C1QTNF12: variants seen among roughly 807,000 people sequenced by gnomAD.
C1QTNF12 encodes the protein C1q and TNF related 12.
A neutral mutation model predicts 34.3 loss-of-function variants in C1QTNF12; 39 were observed. That is an observed-to-expected ratio of 1.14 (90% CI 0.88 to 1.49). C1QTNF12 has a LOEUF of 1.49. Ranked by LOEUF, C1QTNF12 falls within the 40% of genes most tolerant of loss-of-function variation. C1QTNF12 has a pLI of 0.00. For missense variants in C1QTNF12, 497 were observed against 424.7 expected (o/e 1.17, Z -1.50); for synonymous variants, 220 against 196.9 (o/e 1.12, Z -0.98).
Position 1,242,928 on chromosome 1 carries a change from A to G in C1QTNF12, c.732-15T>C, listed in dbSNP as rs1638777245. 4 of 1,610,904 alleles carry G rather than the reference A, an allele frequency of 2.5e-6. No individual in the cohort carries two copies. The African/African-American group carries it at 4.0e-5, about 16-fold the overall frequency. On this transcript the variant is annotated splice_polypyrimidine_tract_variant and intron_variant, in intron 6 of 7. Transcript: ENST00000330388. ...CCTCCAGGCACCTGAACACAGCCCC[A>G]CAGGGCAAGAGGGAGGCGTTGCAGG...
Position 1,244,119 on chromosome 1 carries a change from G to A in C1QTNF12, c.380-14C>T. ...GCTCCGTGGCCTCTGTGGGGAGGAGGGCACAGGCGGCCAGCAGGGTCAGCA... is the reference window on the plus strand; with the variant it reads ...GCTCCGTGGCCTCTGTGGGGAGGAGAGCACAGGCGGCCAGCAGGGTCAGCA... On this transcript the variant is annotated splice_polypyrimidine_tract_variant and intron_variant, in intron 3 of 7. Transcript: ENST00000330388. The A allele has an allele frequency of 6.4e-7, 1 of 1,566,950 alleles. No homozygotes were observed.
rs371407276 is a variant in C1QTNF12, at chr1:1,244,052, C to T, written c.433G>A (p.Ala145Thr). ...GLLDPLLPQG[A>T]GLRLVGEAFH... ...GCCTCGCCCACCAGCCGCAGGCCCGCCCCCTGGGGCAGCAGCGGGTCCAGA... is the reference window on the plus strand; with the variant it reads ...GCCTCGCCCACCAGCCGCAGGCCCGTCCCCTGGGGCAGCAGCGGGTCCAGA... The change falls in exon 4 of 8, where the codon GCG becomes ACG. Residue 145 changes from alanine (A) to threonine (T), a missense_variant. Transcript: ENST00000330388. 23 of 1,598,700 alleles carry T rather than the reference C, an allele frequency of 1.4e-5. No homozygotes were observed. The highest frequency in any genetic ancestry group is 2.0e-5 in the Non-Finnish European group (23 of 1,173,442).
intron 6 of C1QTNF12, 46 bp from the exon 7 acceptor site, chr1:1,242,959 G>T: frequency 6.3e-7 from 1 of 1,594,848 alleles, no homozygotes; most frequent in Non-Finnish European, 8.5e-7. Context: ...GCAGGTCCAG[G>T]GGGCCAAGAC....
At chr1:1,244,679 T>C in intron 1 of C1QTNF12, 182 bp from the exon 2 acceptor site, 1 of 594,708 alleles carries the variant, frequency 1.7e-6, no homozygotes, top group Non-Finnish European at 3.0e-6. Context: ...AGGGCAGGCA[T>C]GCGGGGCTTC....
rs1396666271 is a variant in C1QTNF12, at chr1:1,243,980, G to A, written c.505C>T (p.Leu169=). Residue 169 remains leucine, a synonymous_variant, in exon 4 of 8, where the codon CTG becomes TTG. Coordinates refer to ENST00000330388, the MANE Select transcript of C1QTNF12 (RefSeq NM_001014980.3). Reference sequence around the variant, plus strand: ...GCCTGGAAACCATGCAGCTCCACCAGCGTCCGCTTGTCCACCCGGCGGGGA... The same window carrying A: ...GCCTGGAAACCATGCAGCTCCACCAACGTCCGCTTGTCCACCCGGCGGGGA... ...QGPRRVDKRT[L]VELHGFQAPA... is the part of the protein sequence containing the mutation. 6.2e-7 allele frequency: 1 copy of A among 1,609,610 alleles called. No homozygotes were observed. Among genetic ancestry groups the A allele is most frequent in the South Asian group, 1.1e-5 (1 of 90,660 alleles).
chr1:1,246,996 C>G (rs929462005), upstream of C1QTNF12, among the ~76,000 whole-genome samples: 2 of 152,042 alleles, frequency 1.3e-5, no homozygotes, highest in South Asian at 2.1e-4. This position sits in a 1 kb window ranked among gnomAD's most constrained non-coding sequence, Gnocchi z 4.5. Flanking sequence ...GGCTCACACT[C>G]GGACGATCAG....
rs774120444 is a variant in C1QTNF12, at chr1:1,242,544, G to A, written c.*4C>T. 1.6e-5 allele frequency: 25 copies of A among 1,555,954 alleles called. No homozygotes were observed. The highest frequency in any genetic ancestry group is 3.5e-5 in the South Asian group (3 of 84,806). On this transcript the variant is annotated 3_prime_UTR_variant, in exon 8 of 8. Transcript: ENST00000330388. ...CAGCTCCTCGCCAGCCCCCCTGGGC[G>A]CCCTCACGTGCCCAGGAGCAGCCCG...
At chr1:1,243,835 G>GCCCCGCC in intron 4 of C1QTNF12, 119 bp downstream of exon 4, 5 of 1,279,702 alleles carry the variant, frequency 3.9e-6, no homozygotes, top group South Asian at 1.5e-5. Flanking sequence ...CGCCCTCCGA[G>GCCCCGCC]CCCCGCCCCC....
At chr1:1,243,383 G>GC in intron 5 of C1QTNF12, 61 bp downstream of exon 5, 1 of 1,451,620 alleles carries the variant, frequency 6.9e-7, no homozygotes, top group Non-Finnish European at 9.4e-7. Context: ...GATGCCAGGC[G>GC]CCCCCAGAAA....
At chr1:1,243,829 CTCCGA>C in intron 4 of C1QTNF12, 120 bp downstream of exon 4, 1 of 1,307,950 alleles carries the variant, frequency 7.6e-7, no homozygotes, top group Non-Finnish European at 1.0e-6. Context: ...GCCCCTCGCC[CTCCGA>C]GCCCCGCCCC....
chr1:1,242,534 C>G lies in C1QTNF12; in HGVS notation c.*14G>C. The G allele has an allele frequency of 6.5e-7, 1 of 1,548,556 alleles. No homozygotes were observed. Among genetic ancestry groups the G allele is most frequent in the Non-Finnish European group, 8.7e-7 (1 of 1,145,516 alleles). On this transcript the variant is annotated 3_prime_UTR_variant, in exon 8 of 8. Transcript: ENST00000330388. ...GATCCGGCGGCAGCTCCTCGCCAGCCCCCCTGGGCGCCCTCACGTGCCCAG... is the reference window on the plus strand; with the variant it reads ...GATCCGGCGGCAGCTCCTCGCCAGCGCCCCTGGGCGCCCTCACGTGCCCAG...
In C1QTNF12 at chr1:1,244,041, C is replaced by T. The variant is rs757358621; in HGVS notation, c.444G>A (p.Arg148=). The T allele has an allele frequency of 2.5e-6, 4 of 1,598,254 alleles. No homozygotes were observed. In the Admixed American group the frequency reaches 6.9e-5, roughly 28 times the overall value. ...DPLLPQGAGL[R]LVGEAFHCRL... ...GGCAGTGAAAGGCCTCGCCCACCAG[C>T]CGCAGGCCCGCCCCCTGGGGCAGCA... Residue 148 remains arginine (R), a synonymous_variant, in exon 4 of 8, where the codon CGG becomes CGA. Coordinates refer to ENST00000330388, the MANE Select transcript of C1QTNF12 (RefSeq NM_001014980.3).
intron 4 of C1QTNF12, 25 bp downstream of exon 4, chr1:1,243,929 G>A (rs113164957): frequency 0.11 from 163,559 of 1,547,184 alleles, 8,851 homozygotes; most frequent in East Asian, 0.19. Context: ...CCAACACCCC[G>A]CTCTAAGCTC....
In C1QTNF12 at chr1:1,244,425, C is replaced by T. The variant is rs1553152697; in HGVS notation, c.250G>A (p.Asp84Asn). 2.5e-6 allele frequency: 4 copies of T among 1,611,866 alleles called. No individual in the cohort carries two copies. Among genetic ancestry groups the T allele is most frequent in the Non-Finnish European group, 3.4e-6 (4 of 1,179,520 alleles). ...CCGCACCGCTTCCTTAAGGCGCCGT[C>T]GTCCGGCCGCCGGACAAAGTTCAGC... ...TWLNFVRRPD[D>N]GALRKRCGSR... is the part of the protein sequence containing the mutation. Residue 84 changes from aspartate to asparagine, a missense_variant, in exon 2 of 8, where the codon GAC (aspartate) becomes AAC (asparagine). By Grantham distance (23) the Asp-to-Asn change is conservative (BLOSUM62 1). Transcript: ENST00000330388.
At position 1,246,663 on chromosome 1, in the gene C1QTNF12, C is replaced by T; in HGVS notation, c.28G>A (p.Val10Met). MRRWAWAAV[V>M]VLLGPQLVLL... ...ACGAGCTGCGGCCCGAGGAGGACCA[C>T]GACCGCGGCCCAGGCCCAGCGCCGC... Residue 10 changes from valine (V) to methionine (M), a missense_variant, in exon 1 of 8, where the codon GTG (valine) becomes ATG (methionine). Transcript: ENST00000330388. The surrounding 1 kb of genome is among the most constrained non-coding windows in gnomAD (Gnocchi z 4.5). 3.3e-6 allele frequency: 4 copies of T among 1,229,572 alleles called. No individual in the cohort carries two copies. The highest frequency in any genetic ancestry group is 4.1e-6 in the Non-Finnish European group (4 of 986,214). The allele number at this position is 1,229,572 out of a possible 1,614,324, so 76.2% of individuals were successfully genotyped here.
rs1458581731 is a variant in C1QTNF12 at position 1,246,484 on chromosome 1, C to A, written c.177+30G>T. ...GAGCCCCAGCTCCGAAGCTGCCCCG[C>A]GAGGGCCCACGTGCGTCCCGGCCGC... is the stretch of plus-strand genomic sequence containing the variant. On this transcript the variant is annotated intron_variant, in intron 1 of 7. Transcript: ENST00000330388. The surrounding 1 kb of genome is among the most constrained non-coding windows in gnomAD (Gnocchi z 4.5). The A allele has an allele frequency of 8.1e-7, 1 of 1,229,780 alleles. No individual in the cohort carries two copies. Among genetic ancestry groups the A allele is most frequent in the East Asian group, 3.2e-5 (1 of 31,606 alleles). 76.2% of individuals were successfully genotyped at this position (1,229,780 alleles called of 1,614,324 possible). A position where few individuals can be genotyped will look rare whatever the true frequency, so the allele number is the denominator to read the frequency against.
In C1QTNF12 at chr1:1,244,088, A is replaced by G. The variant is rs751758463; in HGVS notation, c.397T>C (p.Phe133Leu). 6.3e-7 allele frequency: 1 copy of G among 1,588,166 alleles called. No homozygotes were observed. Among genetic ancestry groups the G allele is most frequent in the South Asian group, 1.1e-5 (1 of 87,646 alleles). The part of the protein sequence containing the change: ...ELLKEATERR[F>L]SGLLDPLLPQ... Reference sequence around the variant, plus strand: ...AGCAGCGGGTCCAGAAGCCCTGAGAACCGGCGCTCCGTGGCCTCTGTGGGG... The same window carrying G: ...AGCAGCGGGTCCAGAAGCCCTGAGAGCCGGCGCTCCGTGGCCTCTGTGGGG... Residue 133 changes from phenylalanine to leucine, a missense_variant, in exon 4 of 8, where the codon TTC becomes CTC. Coordinates refer to ENST00000330388, the MANE Select transcript of C1QTNF12 (RefSeq NM_001014980.3).
In C1QTNF12 at chr1:1,244,000, C is replaced by G; in HGVS notation, c.485G>C (p.Arg162Pro). The G allele has an allele frequency of 6.2e-7, 1 of 1,605,756 alleles. No individual in the cohort carries two copies. The change falls in exon 4 of 8, where the codon CGC becomes CCC. Residue 162 changes from arginine to proline, a missense_variant. Physicochemically the swap from Arg to Pro is moderately radical, Grantham distance 103 (BLOSUM62 -2). Coordinates refer to ENST00000330388, the MANE Select transcript of C1QTNF12 (RefSeq NM_001014980.3). ...CACCAGCGTCCGCTTGTCCACCCGG[C>G]GGGGACCCTGCAGCCGGCAGTGAAA... The part of the protein sequence containing the change: ...EAFHCRLQGP[R>P]RVDKRTLVEL...
In C1QTNF12 at chr1:1,243,465, A is replaced by C. The variant is rs1326083539; in HGVS notation, c.619T>G (p.Phe207Val). 3 of 1,558,230 alleles carry C rather than the reference A, an allele frequency of 1.9e-6. No homozygotes were observed. The highest frequency in any genetic ancestry group is 1.4e-5 in the African/African-American group (1 of 73,424). Residue 207 changes from phenylalanine (F) to valine (V), a missense_variant, in exon 5 of 8, where the codon TTC (phenylalanine) becomes GTC (valine). By Grantham distance (50) the Phe-to-Val change is conservative. Transcript: ENST00000330388. Reference protein sequence around the residue: ...FTAPVSGIFQFSASLHVDHSE... With the variant: ...FTAPVSGIFQVSASLHVDHSE... Reference sequence around the variant, plus strand: ...TCACCCACGTGCAGACTGGCAGAGAACTGGAAGATGCCGGACACGGGGGCC... The same window carrying C: ...TCACCCACGTGCAGACTGGCAGAGACCTGGAAGATGCCGGACACGGGGGCC...
Sources: gnomAD v4.1 joint callset for allele counts (sites outside exome capture counted in the v4.1 genomes callset) on GRCh38, gnomAD v4.1.1 for gene constraint, Gnocchi (gnomAD v3.1) non-coding constraint, MANE v1.5 for transcripts, NCBI Gene and HGNC (gene_info 2026-07-23, HGNC 2026-07-21) for gene names.